Variants in RALGAPA1 observed in about 807,000 individuals in gnomAD.
RALGAPA1 encodes Ral GTPase activating protein catalytic subunit alpha 1.
Under a neutral mutation model 269.6 loss-of-function variants are expected in RALGAPA1, and 52 were observed. The ratio of observed to expected loss-of-function variants is 0.19; its 90% CI spans 0.15 to 0.24. The LOEUF (loss-of-function observed/expected upper bound fraction) is 0.24. Ranked by LOEUF, RALGAPA1 falls within the 10% of genes least tolerant of loss-of-function variation. RALGAPA1 has a pLI of 1.00. For missense variants in RALGAPA1, 1,917 were observed against 3,013.9 expected (o/e 0.64, Z 8.52); for synonymous variants, 817 against 1,008.3 (o/e 0.81, Z 3.60).
chr14:35,551,094 C>A (rs2054959386), intron 39 of RALGAPA1, among the ~76,000 whole-genome samples: 1 of 152,144 alleles, frequency 6.6e-6, no homozygotes, highest in South Asian at 2.1e-4. Flanking sequence ...TGATTCACAG[C>A]AGTGCCCCTT....
intron 35 of RALGAPA1, among the ~76,000 whole-genome samples, chr14:35,608,310 C>A (rs1014049523): frequency 9.2e-5 from 14 of 152,040 alleles, no homozygotes; most frequent in African/African-American, 3.1e-4. Flanking sequence ...AAACTTTGAC[C>A]AATAAGTACG....
chr14:35,625,621 T>C (rs2060947025), intron 34 of RALGAPA1, among the ~76,000 whole-genome samples, 189 bp from the exon 35 acceptor site: 2 of 152,216 alleles, frequency 1.3e-5, no homozygotes, highest in South Asian at 4.1e-4. Context: ...CAGGTGTTCA[T>C]ACATTTCTGC....
At chr14:35,750,448 T>G (rs1254373210) in intron 9 of RALGAPA1, 34 bp downstream of exon 9, 1 of 1,576,490 alleles carries the variant, frequency 6.3e-7, no homozygotes, top group Non-Finnish European at 8.7e-7. Flanking sequence ...AAGCCATTTC[T>G]AACTTTAACA....
intron 39 of RALGAPA1, among the ~76,000 whole-genome samples, chr14:35,567,804 TAG>T (rs1185204485): frequency 6.6e-6 from 1 of 152,144 alleles, no homozygotes; most frequent in African/African-American, 2.4e-5. Flanking sequence ...AAGAGGCAAA[TAG>T]AGTTTTGCAT....
intron 16 of RALGAPA1, among the ~76,000 whole-genome samples, chr14:35,717,123 C>A (rs1305277153): frequency 6.6e-6 from 1 of 152,190 alleles, no homozygotes; most frequent in African/African-American, 2.4e-5. Flanking sequence ...CATATATGCA[C>A]AAAATATAGA....
chr14:35,717,376 C>T (rs935929629), intron 16 of RALGAPA1, among the ~76,000 whole-genome samples: 3 of 152,234 alleles, frequency 2.0e-5, no homozygotes, highest in Non-Finnish European at 4.4e-5. Context: ...TCTTGAACAC[C>T]TGACCTCAGG....
At chr14:35,637,225 A>G (rs890638435) in intron 31 of RALGAPA1, among the ~76,000 whole-genome samples, 1 of 152,224 alleles carries the variant, frequency 6.6e-6, no homozygotes, top group Admixed American at 6.5e-5. Flanking sequence ...AATGAATTAA[A>G]TAAGGCACCA....
intron 21 of RALGAPA1, chr14:35,683,504 T>G (rs2065644513): frequency 5.2e-6 from 1 of 192,494 alleles, no homozygotes; most frequent in South Asian, 1.6e-4. Context: ...GTACTCCATA[T>G]ACATATACAT....
intron 37 of RALGAPA1, among the ~76,000 whole-genome samples, chr14:35,575,561 T>C (rs1452178701): frequency 6.6e-6 from 1 of 152,180 alleles, no homozygotes; most frequent in Non-Finnish European, 1.5e-5. Context: ...ACTTCTAAGG[T>C]TGGGGATTTT....
At chr14:35,593,682 A>C (rs1325369163) in intron 37 of RALGAPA1, among the ~76,000 whole-genome samples, 1 of 151,998 alleles carries the variant, frequency 6.6e-6, no homozygotes, top group Non-Finnish European at 1.5e-5. Flanking sequence ...AACATGGCAA[A>C]ACCCCATCTC....
At chr14:35,751,313 T>C (rs2072662557) in intron 8 of RALGAPA1, among the ~76,000 whole-genome samples, 1 of 152,194 alleles carries the variant, frequency 6.6e-6, no homozygotes, top group Non-Finnish European at 1.5e-5. Flanking sequence ...CACACAGAAT[T>C]TGAATAAGAC....
intron 1 of RALGAPA1, among the ~76,000 whole-genome samples, chr14:35,803,612 C>A (rs1374516834): frequency 6.6e-6 from 1 of 151,528 alleles, no homozygotes; most frequent in Non-Finnish European, 1.5e-5. Flanking sequence ...CATACAGTAT[C>A]TGTATCTAGA....
chr14:35,628,087 G>A (rs2061101516), intron 33 of RALGAPA1, 136 bp from the exon 34 acceptor site: 6 of 1,020,780 alleles, frequency 5.9e-6, no homozygotes, highest in Non-Finnish European at 8.2e-6. Context: ...ATACAGTAAT[G>A]ATGGCAAAAA....
At chr14:35,616,954 C>A (rs993251730) in intron 35 of RALGAPA1, among the ~76,000 whole-genome samples, 2 of 152,090 alleles carry the variant, frequency 1.3e-5, no homozygotes, top group Non-Finnish European at 2.9e-5. Flanking sequence ...TGAGAACCCA[C>A]AGACTACTTA....
intron 21 of RALGAPA1, among the ~76,000 whole-genome samples, chr14:35,679,579 T>C (rs2065236749): frequency 6.6e-6 from 1 of 152,204 alleles, no homozygotes; most frequent in African/African-American, 2.4e-5. Context: ...GTACTGAAAG[T>C]GAAAAACAGA....
intron 37 of RALGAPA1, among the ~76,000 whole-genome samples, chr14:35,589,244 C>T (rs2058490183): frequency 6.6e-6 from 1 of 152,120 alleles, no homozygotes. Flanking sequence ...CGGAGAGAGT[C>T]ATCACTTATG....
At chr14:35,577,387 CT>C (rs2057644522) in intron 37 of RALGAPA1, among the ~76,000 whole-genome samples, 1 of 151,966 alleles carries the variant, frequency 6.6e-6, no homozygotes, top group Admixed American at 6.5e-5. Context: ...GATTAATGTC[CT>C]TATAAAAGAG....
rs1198766456 is a variant in RALGAPA1, at chr14:35,757,128, T to A, written c.548-220A>T. ...TATTATTATTATTATTATTTTTTTT[T>A]TTTTTTTGAGACGGAGTCTCACTCT... On this transcript the variant is annotated intron_variant, in intron 6 of 41. Transcript: ENST00000680220. 4.2e-4 allele frequency among the ~76,000 whole-genome samples: 62 copies of A among 148,662 alleles called. 1 individual carries two copies. In the East Asian group the frequency reaches 6.4e-3, roughly 15 times the overall value.
At chr14:35,687,357 T>C (rs1217938366) in intron 18 of RALGAPA1, among the ~76,000 whole-genome samples, 3 of 152,178 alleles carry the variant, frequency 2.0e-5, no homozygotes, top group Non-Finnish European at 4.4e-5. Flanking sequence ...TATTGAAAAG[T>C]TGATTTCTCT....
Sources: allele counts gnomAD v4.1 joint callset (sites outside exome capture counted in the v4.1 genomes callset), GRCh38; gene constraint gnomAD v4.1.1; transcripts MANE v1.5; gene names NCBI Gene and HGNC (gene_info 2026-07-23, HGNC 2026-07-21).